Variants in CHRM3 observed in about 807,000 individuals in gnomAD.
CHRM3 encodes the protein cholinergic receptor muscarinic 3.
In CHRM3, 11 loss-of-function variants were observed where a neutral mutation model predicts 41.8. The observed-to-expected ratio is 0.26, with a 90% CI of 0.17 to 0.44. The LOEUF (loss-of-function observed/expected upper bound fraction) is 0.44, where lower values mean the gene tolerates loss of function less well. CHRM3 is among the 20% of genes least tolerant of loss of function. The pLI is 1.00. For synonymous variants in CHRM3, 297 were observed against 301.4 expected (o/e 0.99, Z 0.15); for missense variants, 571 against 745.4 (o/e 0.77, Z 2.72).
At chr1:239,795,315 C>A (rs1669681450) in intron 5 of CHRM3, among the ~76,000 whole-genome samples, 1 of 152,044 alleles carries the variant, frequency 6.6e-6, no homozygotes, top group Admixed American at 6.6e-5. Flanking sequence ...ATTGACGATC[C>A]TTAAAGTTTG....
intron 2 of CHRM3, among the ~76,000 whole-genome samples, chr1:239,537,202 G>C (rs927829988): frequency 6.6e-6 from 1 of 152,070 alleles, no homozygotes; most frequent in Non-Finnish European, 1.5e-5. Context: ...ATGGTACATC[G>C]TCCTGTGTTA....
intron 2 of CHRM3, among the ~76,000 whole-genome samples, chr1:239,543,816 G>A (rs1364584172): frequency 1.3e-5 from 2 of 152,056 alleles, no homozygotes; most frequent in African/African-American, 2.4e-5. Flanking sequence ...CCCAGCAACC[G>A]ATTTTTATAA....
At chr1:239,822,448 G>A (rs1272627567) in intron 5 of CHRM3, among the ~76,000 whole-genome samples, 1 of 152,166 alleles carries the variant, frequency 6.6e-6, no homozygotes, top group African/African-American at 2.4e-5. Context: ...ACATCCAAAG[G>A]TGGATGTGCG....
rs565192725 is a variant in CHRM3, at chr1:239,748,795, C to G, written c.-147+70507C>G. Among the ~76,000 whole-genome samples the G allele has an allele frequency of 7.2e-5, 11 of 152,204 alleles. No homozygotes were observed. The highest frequency in any genetic ancestry group is 1.3e-4 in the Non-Finnish European group (9 of 68,044). ...AACACAAAGAAGTTTTATGCAAATT[C>G]TGGTGGGCCTTGTATTTTATGTTAG... is the stretch of plus-strand genomic sequence containing the variant. On this transcript the variant is annotated intron_variant, in intron 5 of 6. Transcript: ENST00000676153. This position sits in a 1 kb window ranked among gnomAD's most constrained non-coding sequence, Gnocchi z 4.3.
intron 4 of CHRM3, among the ~76,000 whole-genome samples, chr1:239,656,328 T>TC (rs1672713403): frequency 8.7e-6 from 1 of 115,348 alleles, no homozygotes; most frequent in East Asian, 3.7e-4. Flanking sequence ...AAATATTTTT[T>TC]TTTAAAAAAA....
chr1:239,449,721 T>C (rs1285696454), intron 1 of CHRM3, among the ~76,000 whole-genome samples: 3 of 150,920 alleles, frequency 2.0e-5, no homozygotes, highest in African/African-American at 7.4e-5. Context: ...TTAGGATGAA[T>C]TGTCACATTC....
At chr1:239,765,165 G>C (rs1185121694) in intron 5 of CHRM3, among the ~76,000 whole-genome samples, 1 of 152,180 alleles carries the variant, frequency 6.6e-6, no homozygotes, top group East Asian at 1.9e-4. Flanking sequence ...GGCACTAGGG[G>C]TGCCACAGTT....
At chr1:239,806,322 G>A (rs1159171473) in intron 5 of CHRM3, among the ~76,000 whole-genome samples, 1 of 151,664 alleles carries the variant, frequency 6.6e-6, no homozygotes, top group Non-Finnish European at 1.5e-5. Context: ...GTATCCAATG[G>A]GATGGAGTTA....
At chr1:239,724,434 A>C (rs1048180510) in intron 5 of CHRM3, among the ~76,000 whole-genome samples, 2 of 151,930 alleles carry the variant, frequency 1.3e-5, no homozygotes, top group Non-Finnish European at 2.9e-5. Flanking sequence ...TAGAATTATG[A>C]GTTAATAAAT....
chr1:239,475,192 C>A (rs908309464), intron 1 of CHRM3, among the ~76,000 whole-genome samples: 2 of 152,024 alleles, frequency 1.3e-5, no homozygotes, highest in South Asian at 2.1e-4. Flanking sequence ...TAATGAAGAA[C>A]AAACCATCCA....
intron 3 of CHRM3, among the ~76,000 whole-genome samples, chr1:239,615,905 C>T (rs1333350802): frequency 6.6e-6 from 1 of 152,172 alleles, no homozygotes; most frequent in Non-Finnish European, 1.5e-5. Context: ...TTCTATATAA[C>T]TTTTGAACAT....
intron 5 of CHRM3, among the ~76,000 whole-genome samples, chr1:239,758,335 G>A (rs987216950): frequency 2.5e-4 from 38 of 152,216 alleles, no homozygotes; most frequent in African/African-American, 8.9e-4. Context: ...CATCTTACTT[G>A]GTGCTTGCAT....
At chr1:239,424,473 T>C (rs1253058343) in intron 1 of CHRM3, among the ~76,000 whole-genome samples, 1 of 152,218 alleles carries the variant, frequency 6.6e-6, no homozygotes, top group Non-Finnish European at 1.5e-5. Flanking sequence ...GACATTTTGT[T>C]CATTCATTCA....
At position 239,598,073 on chromosome 1, in the gene CHRM3, A is replaced by G. The variant is rs931441751; in HGVS notation, c.-312-34151A>G. ...CACATAGAAAACACAGCCCAGGGCC[A>G]GGGGTCCTGAAGGCCAGGGGCACAC... On this transcript the variant is annotated intron_variant, in intron 3 of 6. Coordinates refer to ENST00000676153, the MANE Select transcript of CHRM3 (RefSeq NM_001375978.1). Among the ~76,000 whole-genome samples the G allele has an allele frequency of 2.0e-5, 3 of 152,174 alleles. No homozygotes were observed. In the East Asian group the frequency reaches 5.8e-4, roughly 29 times the overall value.
intron 2 of CHRM3, among the ~76,000 whole-genome samples, chr1:239,543,976 C>G (rs1426773087): frequency 6.6e-6 from 1 of 152,152 alleles, no homozygotes; most frequent in Non-Finnish European, 1.5e-5. Context: ...TTTATAGACT[C>G]TGATATTTGA....
chr1:239,699,835 A>G (rs984577123), intron 5 of CHRM3, among the ~76,000 whole-genome samples: 6 of 152,198 alleles, frequency 3.9e-5, no homozygotes, highest in African/African-American at 9.6e-5. Context: ...TCTGAAACCT[A>G]ACAGCATTGA....
intron 3 of CHRM3, among the ~76,000 whole-genome samples, chr1:239,551,767 A>G (rs1331890741): frequency 6.6e-6 from 1 of 152,142 alleles, no homozygotes; most frequent in Non-Finnish European, 1.5e-5. Flanking sequence ...GGCTAATGAG[A>G]TAGAGTTATA....
chr1:239,604,016 G>A (rs946823801), intron 3 of CHRM3, among the ~76,000 whole-genome samples: 31 of 152,050 alleles, frequency 2.0e-4, no homozygotes, highest in African/African-American at 7.5e-4. Context: ...TAATATATTA[G>A]TAAAAATGAA....
intron 6 of CHRM3, among the ~76,000 whole-genome samples, chr1:239,857,690 G>A (rs1056481816): frequency 6.6e-6 from 1 of 152,052 alleles, no homozygotes; most frequent in Non-Finnish European, 1.5e-5. Flanking sequence ...TATATCACTC[G>A]GTGTCTTTGT....
Sources: allele counts gnomAD v4.1 joint callset (sites outside exome capture counted in the v4.1 genomes callset), GRCh38; gene constraint gnomAD v4.1.1; non-coding constraint Gnocchi (gnomAD v3.1); transcripts MANE v1.5; gene names NCBI Gene and HGNC (gene_info 2026-07-23, HGNC 2026-07-21).